GPR183: variants seen among roughly 807,000 people sequenced by gnomAD.
GPR183 encodes the protein EBV-induced G-protein coupled receptor 2.
GPR183 carries 9 observed loss-of-function variants against 19.7 expected under a neutral mutation model. The observed-to-expected ratio is 0.46, with a 90% CI of 0.28 to 0.80. GPR183 has a LOEUF of 0.80. Among genes scored for constraint, GPR183 ranks in the 30% least tolerant of loss-of-function variants. GPR183 has a pLI of 0.13. For synonymous variants in GPR183, 160 were observed against 155.1 expected (o/e 1.03, Z -0.24); for missense variants, 368 against 446.7 (o/e 0.82, Z 1.59).
intron 1 of GPR183, among the ~76,000 whole-genome samples, chr13:99,299,448 A>G (rs2044224379): frequency 6.7e-6 from 1 of 150,322 alleles, no homozygotes; most frequent in Non-Finnish European, 1.5e-5. Flanking sequence ...AGGGAAGCAA[A>G]TACACACACA....
In GPR183 at chr13:99,295,212, A is replaced by G; in HGVS notation, c.934T>C (p.Cys312Arg). ...CMDPFIYFFA[C>R]KGYKRKVMRM... The stretch of plus-strand genomic sequence containing the variant: ...ATAACCTTTCTCTTATACCCTTTAC[A>G]TGCAAAGAAGTAGATAAAAGGGTCC... The change falls in exon 2 of 2, where the codon TGT becomes CGT. Residue 312 changes from cysteine (C) to arginine (R), a missense_variant. Coordinates refer to ENST00000376414, the MANE Select transcript of GPR183 (RefSeq NM_004951.5). The surrounding 1 kb of genome is among the most constrained non-coding windows in gnomAD (Gnocchi z 4.1). The G allele has an allele frequency of 3.1e-6, 5 of 1,614,130 alleles. No individual in the cohort carries two copies. The highest frequency in any genetic ancestry group is 4.2e-6 in the Non-Finnish European group (5 of 1,179,992).
chr13:99,306,797 A>G (rs2138747500), intron 1 of GPR183, among the ~76,000 whole-genome samples: 1 of 152,222 alleles, frequency 6.6e-6, no homozygotes, highest in South Asian at 2.1e-4. Context: ...AAAGATTGGT[A>G]CTCTTTGCTG....
intron 1 of GPR183, among the ~76,000 whole-genome samples, chr13:99,305,854 G>T (rs542375706): frequency 6.6e-5 from 10 of 152,094 alleles, no homozygotes; most frequent in Admixed American, 2.0e-4. Context: ...AGTAAGCACA[G>T]TTAGATGTGT....
In GPR183 at chr13:99,300,084, G is replaced by A. The variant is rs544256036; in HGVS notation, c.-18-3921C>T. Among the ~76,000 whole-genome samples, 10 of 152,316 alleles carry A rather than the reference G, an allele frequency of 6.6e-5. No homozygotes were observed. The East Asian group carries it at 1.9e-3, about 29-fold the overall frequency. ...TATATCATGGCACATGCGCAACATT[G>A]CCCAGCTGCTCCAGAGCAAAGGGAC... On this transcript the variant is annotated intron_variant, in intron 1 of 1. Transcript: ENST00000376414.
chr13:99,304,853 C>G (rs939237901), intron 1 of GPR183, among the ~76,000 whole-genome samples: 1 of 152,162 alleles, frequency 6.6e-6, no homozygotes, highest in Non-Finnish European at 1.5e-5. Context: ...CTATTTCCGA[C>G]GTGATCTGCT....
chr13:99,303,674 T>G (rs906580814), intron 1 of GPR183, among the ~76,000 whole-genome samples: 1 of 152,216 alleles, frequency 6.6e-6, no homozygotes, highest in Admixed American at 6.5e-5. Context: ...GTCTATAATA[T>G]TTCTCCTCTG....
Position 99,294,923 on chromosome 13 carries a change from G to T in GPR183, c.*137C>A. 1.1e-6 allele frequency: 1 copy of T among 883,942 alleles called. No homozygotes were observed. Among genetic ancestry groups the T allele is most frequent in the Non-Finnish European group, 1.7e-6 (1 of 588,184 alleles). The allele number at this position is 883,942 out of a possible 1,614,324, so 54.8% of individuals were successfully genotyped here. Reference sequence around the variant, plus strand: ...GTTCTCTTGGGCTTACTTCCGAGTTGGAGATGGGAAAGTGCCCAATGAAAG... The same window carrying T: ...GTTCTCTTGGGCTTACTTCCGAGTTTGAGATGGGAAAGTGCCCAATGAAAG... On this transcript the variant is annotated 3_prime_UTR_variant, in exon 2 of 2. Coordinates refer to ENST00000376414, the MANE Select transcript of GPR183 (RefSeq NM_004951.5).
chr13:99,305,127 A>G (rs540574590), intron 1 of GPR183, among the ~76,000 whole-genome samples: 110 of 152,370 alleles, frequency 7.2e-4, no homozygotes, highest in African/African-American at 2.5e-3. Context: ...TTCGATTGAA[A>G]AAAGATGGTG....
chr13:99,302,831 A>G (rs1227609475), intron 1 of GPR183, among the ~76,000 whole-genome samples: 2 of 152,250 alleles, frequency 1.3e-5, no homozygotes, highest in Admixed American at 1.3e-4. Flanking sequence ...AGTAGTCAGT[A>G]CATGCCTCTG....
intron 1 of GPR183, among the ~76,000 whole-genome samples, chr13:99,298,016 A>G (rs1040658275): frequency 6.6e-6 from 1 of 152,150 alleles, no homozygotes; most frequent in Admixed American, 6.5e-5. Context: ...GCAAAGGTTA[A>G]AAAGAACAGT....
chr13:99,303,645 C>G (rs948170830), intron 1 of GPR183, among the ~76,000 whole-genome samples: 2 of 152,144 alleles, frequency 1.3e-5, no homozygotes, highest in Admixed American at 1.3e-4. Flanking sequence ...TAAAAAGGCT[C>G]TTTATAATGA....
intron 1 of GPR183, among the ~76,000 whole-genome samples, chr13:99,306,169 T>TA: frequency 6.6e-6 from 1 of 152,276 alleles, no homozygotes; most frequent in East Asian, 1.9e-4. Context: ...GTGCTGGGAT[T>TA]ACAGGAGTGA....
chr13:99,297,017 G>A (rs987711382), intron 1 of GPR183, among the ~76,000 whole-genome samples: 10 of 152,034 alleles, frequency 6.6e-5, no homozygotes, highest in Non-Finnish European at 1.5e-4. Context: ...GTATATATTT[G>A]TCGTGTATAT....
At chr13:99,301,396 A>T (rs2044254797) in intron 1 of GPR183, among the ~76,000 whole-genome samples, 1 of 152,198 alleles carries the variant, frequency 6.6e-6, no homozygotes, top group Admixed American at 6.5e-5. Context: ...TTGCCTCTGT[A>T]ATGCAGTACT....
Position 99,295,051 on chromosome 13 carries a change from C to T in GPR183, c.*9G>A, listed in dbSNP as rs1463792498. 2 of 1,609,628 alleles carry T rather than the reference C, an allele frequency of 1.2e-6. No individual in the cohort carries two copies. The highest frequency in any genetic ancestry group is 1.7e-6 in the Non-Finnish European group (2 of 1,177,764). The stretch of plus-strand genomic sequence containing the variant: ...GTTTACGTCACTATAAACCAAAATA[C>T]AATCCATTTCACTTTCCATTTGAAG... On this transcript the variant is annotated 3_prime_UTR_variant, in exon 2 of 2. Coordinates refer to ENST00000376414, the MANE Select transcript of GPR183 (RefSeq NM_004951.5). The surrounding 1 kb of genome is among the most constrained non-coding windows in gnomAD (Gnocchi z 4.1).
At chr13:99,296,284 TAA>T (rs1378906941) in intron 1 of GPR183, 121 bp from the exon 2 acceptor site, 1 of 687,062 alleles carries the variant, frequency 1.5e-6, no homozygotes, top group Non-Finnish European at 2.2e-6. Flanking sequence ...TTTATATATC[TAA>T]GTTTTAAAAT....
At chr13:99,298,114 C>A (rs1354614913) in intron 1 of GPR183, among the ~76,000 whole-genome samples, 1 of 152,020 alleles carries the variant, frequency 6.6e-6, no homozygotes, top group Admixed American at 6.5e-5. Flanking sequence ...AATTCACAAC[C>A]ATGGTGGGAG....
At chr13:99,302,239 G>C (rs1411653422) in intron 1 of GPR183, among the ~76,000 whole-genome samples, 2 of 152,334 alleles carry the variant, frequency 1.3e-5, no homozygotes, top group East Asian at 3.9e-4. Flanking sequence ...CTGATACACT[G>C]TCCTTGGCTA....
At chr13:99,297,074 A>G (rs1395244965) in intron 1 of GPR183, among the ~76,000 whole-genome samples, 1 of 152,192 alleles carries the variant, frequency 6.6e-6, no homozygotes. Context: ...CAATGTGTCA[A>G]TGCATAATTT....
Sources: allele counts gnomAD v4.1 joint callset (sites outside exome capture counted in the v4.1 genomes callset), GRCh38; gene constraint gnomAD v4.1.1; non-coding constraint Gnocchi (gnomAD v3.1); transcripts MANE v1.5; gene names NCBI Gene and HGNC (gene_info 2026-07-23, HGNC 2026-07-21).